The following OSBPL8 variants were observed in gnomAD, a reference collection of about 807,000 sequenced individuals.
The protein encoded by OSBPL8 is oxysterol binding protein like 8, also known as oxysterol-binding protein-related protein 8.
OSBPL8 carries 59 observed loss-of-function variants against 125.5 expected under a neutral mutation model. That is an observed-to-expected ratio of 0.47 (90% CI 0.38 to 0.58). The LOEUF (loss-of-function observed/expected upper bound fraction) is 0.58, where lower values mean the gene tolerates loss of function less well. Ranked by LOEUF, OSBPL8 falls within the 20% of genes least tolerant of loss-of-function variation. OSBPL8 has a pLI of 0.00. For synonymous variants in OSBPL8, 330 were observed against 338.9 expected, an observed-to-expected ratio of 0.97 and a Z score of 0.29; for missense variants, 758 against 1,047.8, an observed-to-expected ratio of 0.72 and a Z score of 3.82.
At chr12:76,493,838 C>T (rs1354022603) in intron 1 of OSBPL8, among the ~76,000 whole-genome samples, 1 of 152,110 alleles carries the variant, frequency 6.6e-6, no homozygotes, top group Non-Finnish European at 1.5e-5. Context: ...CAAATGTTAG[C>T]TCTTTTGATG....
At chr12:76,367,230 GT>G (rs1952452424) in intron 21 of OSBPL8, among the ~76,000 whole-genome samples, 36 of 33,486 alleles carry the variant, frequency 1.1e-3, no homozygotes, top group South Asian at 1.9e-3. Context: ...TTGTTGATTG[GT>G]GTGTGTGTGT....
At chr12:76,535,303 A>G (rs1021092111) in intron 1 of OSBPL8, among the ~76,000 whole-genome samples, 1 of 152,086 alleles carries the variant, frequency 6.6e-6, no homozygotes, top group African/African-American at 2.4e-5. Context: ...TGAATAAAAG[A>G]TTTAAACAAT....
At chr12:76,524,347 C>G (rs565582128) in intron 1 of OSBPL8, among the ~76,000 whole-genome samples, 6 of 152,308 alleles carry the variant, frequency 3.9e-5, no homozygotes, top group African/African-American at 1.4e-4. Flanking sequence ...ATAATTTCAA[C>G]TCTGCTGGCC....
intron 22 of OSBPL8, 84 bp downstream of exon 22, chr12:76,358,617 CTTGAG>C (rs1356862030): frequency 2.6e-6 from 3 of 1,153,286 alleles, no homozygotes; most frequent in Non-Finnish European, 3.9e-6. Context: ...ACTCACATAA[CTTGAG>C]TTAATATGAA....
At chr12:76,550,449 G>A (rs2137496380) in intron 1 of OSBPL8, among the ~76,000 whole-genome samples, 1 of 152,270 alleles carries the variant, frequency 6.6e-6, no homozygotes, top group Non-Finnish European at 1.5e-5. Context: ...GGACATGACA[G>A]CTGAGATTAC....
chr12:76,394,772 T>C lies in OSBPL8; in HGVS notation c.673-43A>G, dbSNP rs755483256. ...CAAAATAAATGGTATAGAGTAATTA[T>C]TATGAGATCTCATCTTTACACTATC... is the stretch of plus-strand genomic sequence containing the variant. On this transcript the variant is annotated intron_variant, in intron 8 of 23. Transcript: ENST00000261183. 8.0e-6 allele frequency: 11 copies of C among 1,372,622 alleles called. No homozygotes were observed. The South Asian group carries it at 9.9e-5, about 12-fold the overall frequency. The allele number at this position is 1,372,622 out of a possible 1,614,324, so 85.0% of individuals were successfully genotyped here.
At chr12:76,538,256 G>T (rs1592878524) in intron 1 of OSBPL8, among the ~76,000 whole-genome samples, 1 of 152,056 alleles carries the variant, frequency 6.6e-6, no homozygotes, top group East Asian at 1.9e-4. Flanking sequence ...ATATTGCTCA[G>T]AATCATGAAT....
Position 76,371,603 on chromosome 12 carries a change from A to T in OSBPL8, c.1918-19T>A. 6.5e-7 allele frequency: 1 copy of T among 1,530,522 alleles called. No individual in the cohort carries two copies. Among genetic ancestry groups the T allele is most frequent in the Non-Finnish European group, 8.8e-7 (1 of 1,138,016 alleles). The allele number at this position is 1,530,522 out of a possible 1,614,324, so 94.8% of individuals were successfully genotyped here. The stretch of plus-strand genomic sequence containing the variant: ...CACTATCCTATATTTAAAAAAATTC[A>T]AAATTAATGTAAAGAATTATACTTA... On this transcript the variant is annotated intron_variant, in intron 18 of 23. Coordinates refer to ENST00000261183, the MANE Select transcript of OSBPL8 (RefSeq NM_020841.5).
At chr12:76,433,725 A>G (rs1871122291) in intron 4 of OSBPL8, among the ~76,000 whole-genome samples, 1 of 152,146 alleles carries the variant, frequency 6.6e-6, no homozygotes, top group Non-Finnish European at 1.5e-5. Flanking sequence ...CTGTAATCCC[A>G]GCACTTTGGG....
intron 2 of OSBPL8, among the ~76,000 whole-genome samples, chr12:76,467,834 G>A (rs994206495): frequency 1.3e-5 from 2 of 151,998 alleles, no homozygotes; most frequent in Non-Finnish European, 2.9e-5. Context: ...AGTCCCTACT[G>A]CCAAGATCAC....
intron 18 of OSBPL8, among the ~76,000 whole-genome samples, chr12:76,372,332 A>T (rs1952651745): frequency 6.6e-6 from 1 of 151,994 alleles, no homozygotes; most frequent in South Asian, 2.1e-4. Context: ...TAGCTTCCTG[A>T]GTAGCTGGGA....
intron 1 of OSBPL8, among the ~76,000 whole-genome samples, chr12:76,492,806 A>T (rs1449166026): frequency 1.3e-5 from 2 of 152,160 alleles, no homozygotes; most frequent in African/African-American, 2.4e-5. Context: ...AACAGAATAC[A>T]CAATAAGTGT....
chr12:76,382,462 G>A (rs945568562), intron 15 of OSBPL8, among the ~76,000 whole-genome samples: 3 of 152,124 alleles, frequency 2.0e-5, no homozygotes, highest in Non-Finnish European at 4.4e-5. Context: ...ATTGCAGGAT[G>A]TTTAGCAGCA....
At chr12:76,508,783 T>TGCC in intron 1 of OSBPL8, among the ~76,000 whole-genome samples, 1 of 152,162 alleles carries the variant, frequency 6.6e-6, no homozygotes, top group Non-Finnish European at 1.5e-5. Context: ...CACGGCAACA[T>TGCC]CAGCAAGTTA....
At chr12:76,501,147 T>C (rs541335568) in intron 1 of OSBPL8, among the ~76,000 whole-genome samples, 50 of 152,306 alleles carry the variant, frequency 3.3e-4, no homozygotes, top group African/African-American at 1.1e-3. Context: ...GTTTTTATAA[T>C]ACCTTTGGGT....
chr12:76,381,907 G>A (rs1953073506), intron 15 of OSBPL8, among the ~76,000 whole-genome samples: 1 of 151,872 alleles, frequency 6.6e-6, no homozygotes, highest in African/African-American at 2.4e-5. Context: ...GCTAATTTTT[G>A]TATTTTTAGT....
At chr12:76,366,537 T>G in intron 21 of OSBPL8, 1 of 419,454 alleles carries the variant, frequency 2.4e-6, no homozygotes, top group Non-Finnish European at 4.7e-6. Flanking sequence ...CTCTCTATTT[T>G]GTTTATCTGT....
At chr12:76,530,515 C>G (rs1252342627) in intron 1 of OSBPL8, among the ~76,000 whole-genome samples, 2 of 152,124 alleles carry the variant, frequency 1.3e-5, no homozygotes, top group East Asian at 3.9e-4. Context: ...AACTTGCCTC[C>G]TCCCATTCTT....
rs887927600 is a variant in OSBPL8 at position 76,355,879 on chromosome 12, T to C, written c.*10A>G. The C allele has an allele frequency of 4.3e-6, 7 of 1,612,572 alleles. No homozygotes were observed. The highest frequency in any genetic ancestry group is 3.3e-5 in the Admixed American group (2 of 59,862). ...TCTTTCTAGTTCACTGATTCAATGGTAGAGAACTTCTACTTGAACATGAAG... is the reference window on the plus strand; with the variant it reads ...TCTTTCTAGTTCACTGATTCAATGGCAGAGAACTTCTACTTGAACATGAAG... On this transcript the variant is annotated 3_prime_UTR_variant, in exon 24 of 24. Transcript: ENST00000261183.
Sources: allele counts gnomAD v4.1 joint callset (sites outside exome capture counted in the v4.1 genomes callset), GRCh38; gene constraint gnomAD v4.1.1; transcripts MANE v1.5; gene names NCBI Gene and HGNC (gene_info 2026-07-23, HGNC 2026-07-21).